The following CCBE1 variants were observed in gnomAD, a reference collection of about 807,000 sequenced individuals.
CCBE1 encodes collagen and calcium-binding EGF domain-containing protein 1.
In CCBE1, 37 loss-of-function variants were observed where a neutral mutation model predicts 50.0. The observed-to-expected ratio is 0.74, with a 90% CI of 0.57 to 0.97. CCBE1 has a LOEUF of 0.97. CCBE1 is among the 50% of genes least tolerant of loss of function. The pLI is 0.00. For synonymous variants in CCBE1, 234 were observed against 203.7 expected (o/e 1.15, Z -1.27); for missense variants, 538 against 523.8 (o/e 1.03, Z -0.26).
At chr18:59,462,810 T>C (rs1006629201) in intron 5 of CCBE1, among the ~76,000 whole-genome samples, 1 of 152,224 alleles carries the variant, frequency 6.6e-6, no homozygotes, top group Non-Finnish European at 1.5e-5. Flanking sequence ...AAGAAAGATA[T>C]GCTTATTGAC....
intron 2 of CCBE1, among the ~76,000 whole-genome samples, chr18:59,587,495 A>T (rs2053194645): frequency 6.6e-6 from 1 of 152,260 alleles, no homozygotes; most frequent in Admixed American, 6.5e-5. Context: ...TAATCCCGTT[A>T]TATTAGTCAG....
chr18:59,463,680 A>G (rs761558514), intron 5 of CCBE1, among the ~76,000 whole-genome samples: 3 of 152,228 alleles, frequency 2.0e-5, no homozygotes, highest in African/African-American at 4.8e-5. Context: ...GGGCGGGGCC[A>G]GGTCCTATTA....
Position 59,431,816 on chromosome 18 carries a change from G to A in CCBE1, c.*4092C>T, listed in dbSNP as rs990746219. On this transcript the variant is annotated 3_prime_UTR_variant, in exon 11 of 11. Coordinates refer to ENST00000439986, the MANE Select transcript of CCBE1 (RefSeq NM_133459.4). ...GTCAATGAATCCAATGGCAGATGTCGGGCATTAACTCAGAAGGTGAGAAAA... is the reference window on the plus strand; with the variant it reads ...GTCAATGAATCCAATGGCAGATGTCAGGCATTAACTCAGAAGGTGAGAAAA... 1 of 152,162 alleles carries A rather than the reference G, an allele frequency of 6.6e-6. No individual in the cohort carries two copies. The highest frequency in any genetic ancestry group is 1.5e-5 in the Non-Finnish European group (1 of 68,054). 9.4% of individuals were successfully genotyped at this position (152,162 alleles called of 1,614,324 possible). A position where few individuals can be genotyped will look rare whatever the true frequency, so the allele number is the denominator to read the frequency against.
At chr18:59,572,621 A>T (rs1033837945) in intron 2 of CCBE1, among the ~76,000 whole-genome samples, 1 of 152,228 alleles carries the variant, frequency 6.6e-6, no homozygotes. Flanking sequence ...ATCAGTCAGG[A>T]TAATTTCTAT....
chr18:59,673,090 G>T (rs1299961888), intron 2 of CCBE1, among the ~76,000 whole-genome samples: 2 of 152,160 alleles, frequency 1.3e-5, no homozygotes, highest in African/African-American at 4.8e-5. Context: ...GTAAGTTATG[G>T]GACTGTGAGA....
At chr18:59,443,807 C>A (rs531202998) in intron 7 of CCBE1, among the ~76,000 whole-genome samples, 1 of 152,046 alleles carries the variant, frequency 6.6e-6, no homozygotes, top group Non-Finnish European at 1.5e-5. Flanking sequence ...TTTAGTAATG[C>A]TAAGTATATT....
At chr18:59,489,390 T>A (rs560765150) in intron 2 of CCBE1, among the ~76,000 whole-genome samples, 2 of 151,960 alleles carry the variant, frequency 1.3e-5, no homozygotes, top group African/African-American at 4.8e-5. Context: ...CTGGAATGAT[T>A]AACTTTCTTA....
At chr18:59,623,399 G>T (rs2053737628) in intron 2 of CCBE1, among the ~76,000 whole-genome samples, 1 of 152,174 alleles carries the variant, frequency 6.6e-6, no homozygotes, top group African/African-American at 2.4e-5. Context: ...TGTGTGGTCA[G>T]GGCACTTATC....
chr18:59,554,126 T>C (rs1353808124), intron 2 of CCBE1, among the ~76,000 whole-genome samples: 1 of 151,822 alleles, frequency 6.6e-6, no homozygotes, highest in Non-Finnish European at 1.5e-5. Context: ...TGTAGGGAGG[T>C]CTGCAGGCAC....
chr18:59,632,907 C>T lies in CCBE1; in HGVS notation c.212+63722G>A, dbSNP rs192421629. Reference sequence around the variant, plus strand: ...TACAGGTGTGAGCCACCGCGCCTGGCGAGGAACAATCTTCTAAAGCAGAAG... The same window carrying T: ...TACAGGTGTGAGCCACCGCGCCTGGTGAGGAACAATCTTCTAAAGCAGAAG... On this transcript the variant is annotated intron_variant, in intron 2 of 10. Coordinates refer to ENST00000439986, the MANE Select transcript of CCBE1 (RefSeq NM_133459.4). Among the ~76,000 whole-genome samples the T allele has an allele frequency of 2.6e-5, 4 of 152,256 alleles. No individual in the cohort carries two copies. The East Asian group carries it at 5.8e-4, about 22-fold the overall frequency.
At chr18:59,460,955 A>ATAAATAAG (rs1336973679) in intron 5 of CCBE1, among the ~76,000 whole-genome samples, 1 of 150,012 alleles carries the variant, frequency 6.7e-6, no homozygotes, top group Non-Finnish European at 1.5e-5. Context: ...AAATAAATAA[A>ATAAATAAG]TAAATAAATA....
At chr18:59,513,941 C>G (rs775627253) in intron 2 of CCBE1, among the ~76,000 whole-genome samples, 1 of 152,204 alleles carries the variant, frequency 6.6e-6, no homozygotes, top group Non-Finnish European at 1.5e-5. Context: ...ACTGGAGGAA[C>G]AGGGGACTTG....
intron 2 of CCBE1, among the ~76,000 whole-genome samples, chr18:59,509,654 AC>A (rs912574962): frequency 6.6e-6 from 1 of 152,200 alleles, no homozygotes; most frequent in Non-Finnish European, 1.5e-5. Context: ...TGACAGCAGC[AC>A]ACCACATAAA....
chr18:59,595,995 A>T (rs963666167), intron 2 of CCBE1, among the ~76,000 whole-genome samples: 1 of 152,232 alleles, frequency 6.6e-6, no homozygotes, highest in African/African-American at 2.4e-5. Context: ...AACTAAAAAC[A>T]TATCTACAAG....
At chr18:59,522,233 C>T (rs1392173832) in intron 2 of CCBE1, among the ~76,000 whole-genome samples, 7 of 151,014 alleles carry the variant, frequency 4.6e-5, no homozygotes, top group African/African-American at 9.7e-5. Context: ...TAGTATATAT[C>T]GTAAGTCCTC....
At chr18:59,566,379 G>A (rs1394800099) in intron 2 of CCBE1, among the ~76,000 whole-genome samples, 4 of 152,088 alleles carry the variant, frequency 2.6e-5, no homozygotes, top group Non-Finnish European at 5.9e-5. Context: ...AGGCTCATAT[G>A]CATAATCTAC....
At chr18:59,484,859 A>T (rs1382358906) in intron 2 of CCBE1, among the ~76,000 whole-genome samples, 1 of 152,208 alleles carries the variant, frequency 6.6e-6, no homozygotes, top group African/African-American at 2.4e-5. Flanking sequence ...ATAAATAATG[A>T]CATATTCTGA....
intron 2 of CCBE1, among the ~76,000 whole-genome samples, chr18:59,682,966 T>C (rs1388131618): frequency 6.6e-6 from 1 of 152,270 alleles, no homozygotes; most frequent in Non-Finnish European, 1.5e-5. Flanking sequence ...GAGCTTTCCT[T>C]TGTAAAGAAA....
intron 2 of CCBE1, among the ~76,000 whole-genome samples, chr18:59,514,168 T>C (rs1914259897): frequency 6.6e-6 from 1 of 152,210 alleles, no homozygotes. Flanking sequence ...TAGCAACATT[T>C]AGATTACAAA....
Sources: gnomAD v4.1 joint callset for allele counts (sites outside exome capture counted in the v4.1 genomes callset) on GRCh38, gnomAD v4.1.1 for gene constraint, MANE v1.5 for transcripts, NCBI Gene and HGNC (gene_info 2026-07-23, HGNC 2026-07-21) for gene names.